Variants in VWF observed in about 807,000 individuals in gnomAD.
The protein encoded by VWF is Factor VIII related antigen.
VWF carries 176 observed loss-of-function variants against 308.6 expected under a neutral mutation model. The ratio of observed to expected loss-of-function variants is 0.57; its 90% CI spans 0.50 to 0.65. The LOEUF (loss-of-function observed/expected upper bound fraction) is 0.65. Among genes scored for constraint, VWF ranks in the 30% least tolerant of loss-of-function variants. VWF has a pLI of 0.00. For synonymous variants in VWF, 1,385 were observed against 1,443.4 expected, an observed-to-expected ratio of 0.96 and a Z score of 0.92; for missense variants, 3,146 against 3,648.2, an observed-to-expected ratio of 0.86 and a Z score of 3.55.
At chr12:6,008,594 T>C (rs772663825) in intron 34 of VWF, among the ~76,000 whole-genome samples, 1 of 152,154 alleles carries the variant, frequency 6.6e-6, no homozygotes, top group Non-Finnish European at 1.5e-5. Context: ...TAAAAGCTTT[T>C]CCTCTAATCA....
chr12:6,117,009 AC>A (rs1241936199), intron 3 of VWF, among the ~76,000 whole-genome samples: 1 of 150,400 alleles, frequency 6.6e-6, no homozygotes, highest in Non-Finnish European at 1.5e-5. Flanking sequence ...ATGCCAGCCC[AC>A]CCCCCTCTAA....
In VWF at chr12:6,025,702, C is replaced by G. The variant is rs893321599; in HGVS notation, c.3109-9G>C. On this transcript the variant is annotated splice_polypyrimidine_tract_variant and intron_variant, in intron 23 of 51. Coordinates refer to ENST00000261405, the MANE Select transcript of VWF (RefSeq NM_000552.5). The stretch of plus-strand genomic sequence containing the variant: ...GATGAGTCCAGAGGCACCTGGGAAC[C>G]AGGCAAGAGATAGGCCAGCCGTCAG... 8.7e-6 allele frequency: 12 copies of G among 1,386,930 alleles called. No homozygotes were observed. The highest frequency in any genetic ancestry group is 1.1e-5 in the Non-Finnish European group (11 of 982,426). The allele number at this position is 1,386,930 out of a possible 1,614,324, so 85.9% of individuals were successfully genotyped here.
intron 10 of VWF, among the ~76,000 whole-genome samples, chr12:6,067,433 A>G (rs1944728770): frequency 6.6e-6 from 1 of 152,206 alleles, no homozygotes; most frequent in African/African-American, 2.4e-5. Flanking sequence ...ATGTGCAAAT[A>G]TTCGAAAGGA....
chr12:5,957,481 A>C (rs1303729035), intron 47 of VWF, among the ~76,000 whole-genome samples: 1 of 152,178 alleles, frequency 6.6e-6, no homozygotes, highest in Non-Finnish European at 1.5e-5. Context: ...GCATATACTC[A>C]AGCTTCTGAA....
chr12:6,072,193 C>CTA, intron 9 of VWF, 138 bp downstream of exon 9: 1 of 736,720 alleles, frequency 1.4e-6, no homozygotes. Flanking sequence ...CTAGCCCCCA[C>CTA]CAGTAGCCTC....
intron 5 of VWF, among the ~76,000 whole-genome samples, chr12:6,105,201 A>G (rs975199605): frequency 7.2e-5 from 11 of 152,132 alleles, no homozygotes; most frequent in African/African-American, 2.4e-4. Flanking sequence ...CTGTGCATGT[A>G]ACAAAATTGC....
chr12:6,018,316 T>C, intron 28 of VWF, 49 bp downstream of exon 28: 1 of 1,578,592 alleles, frequency 6.3e-7, no homozygotes, highest in Non-Finnish European at 8.6e-7. Flanking sequence ...ACCAAGGCCA[T>C]GCCAGCCCTC....
intron 18 of VWF, among the ~76,000 whole-genome samples, chr12:6,040,634 T>G (rs942124721): frequency 5.3e-5 from 8 of 152,210 alleles, no homozygotes; most frequent in Non-Finnish European, 8.8e-5. Context: ...CCTGGAAGTG[T>G]GAGGTTCCGA....
chr12:5,990,194 C>T (rs149529111), intron 38 of VWF, among the ~76,000 whole-genome samples: 2 of 152,316 alleles, frequency 1.3e-5, no homozygotes, highest in African/African-American at 2.4e-5. Context: ...CTAATGGATA[C>T]CCATGCTCCA....
intron 38 of VWF, among the ~76,000 whole-genome samples, chr12:5,989,707 T>C (rs1209820719): frequency 6.6e-6 from 1 of 152,138 alleles, no homozygotes; most frequent in African/African-American, 2.4e-5. Flanking sequence ...AAGCAAAGGA[T>C]AGGGGTTTGG....
chr12:5,969,922 T>C (rs192542769), intron 44 of VWF, among the ~76,000 whole-genome samples: 5 of 152,060 alleles, frequency 3.3e-5, no homozygotes, highest in East Asian at 2.0e-4. Context: ...CCCAAGACCA[T>C]GGTTCAGAAA....
intron 5 of VWF, among the ~76,000 whole-genome samples, chr12:6,106,575 T>C (rs1255758704): frequency 6.6e-6 from 1 of 151,808 alleles, no homozygotes; most frequent in Non-Finnish European, 1.5e-5. Flanking sequence ...ATAAAAATGG[T>C]TAAGATAATA....
rs892950501 is a variant in VWF, at chr12:6,121,198, G to T, written c.196C>A (p.Gln66Lys). The T allele has an allele frequency of 5.6e-6, 9 of 1,614,176 alleles. No homozygotes were observed. The highest frequency in any genetic ancestry group is 7.6e-6 in the Non-Finnish European group (9 of 1,180,034). Residue 66 changes from glutamine to lysine, a missense_variant, in exon 3 of 52, where the codon CAG (glutamine) becomes AAG (lysine). By Grantham distance (53) the Gln-to-Lys change is moderately conservative. Transcript: ENST00000261405. ...YCSYLLAGGC[Q>K]KRSFSIIGDF... The stretch of plus-strand genomic sequence containing the variant: ...CCAATAATCGAGAAGGAGCGTTTCT[G>T]GCAGCCCCCTGCCAGGAGGTAACTG...
intron 6 of VWF, among the ~76,000 whole-genome samples, chr12:6,085,045 T>G (rs1220883291): frequency 6.6e-6 from 1 of 152,218 alleles, no homozygotes; most frequent in Non-Finnish European, 1.5e-5. Context: ...TGGGGTCCAG[T>G]GCTCATGAGA....
chr12:6,090,052 G>C (rs1945014095), intron 6 of VWF, among the ~76,000 whole-genome samples: 1 of 152,090 alleles, frequency 6.6e-6, no homozygotes, highest in African/African-American at 2.4e-5. Flanking sequence ...CTGCCTCCCA[G>C]GTTCATGCCA....
At chr12:6,101,695 G>C (rs868594070) in intron 5 of VWF, among the ~76,000 whole-genome samples, 10 of 152,246 alleles carry the variant, frequency 6.6e-5, no homozygotes, top group South Asian at 6.2e-4. Context: ...ACAATTGCTT[G>C]AACCCGGCAG....
In VWF at chr12:5,991,983, A is replaced by G. The variant is rs1943750562; in HGVS notation, c.6634T>C (p.Cys2212Arg). 3 of 1,614,112 alleles carry G rather than the reference A, an allele frequency of 1.9e-6. No homozygotes were observed. Among genetic ancestry groups the G allele is most frequent in the Admixed American group, 1.7e-5 (1 of 60,006 alleles). Residue 2212 changes from cysteine to arginine, a missense_variant, in exon 38 of 52, where the codon TGT (cysteine) becomes CGT (arginine). Physicochemically the swap from Cys to Arg is radical, Grantham distance 180. Coordinates refer to ENST00000261405, the MANE Select transcript of VWF (RefSeq NM_000552.5). ...SCPPSLVYNH[C>R]EHGCPRHCDG... ...CAGTGCCGGGGACAGCCATGCTCACAGTGGTTGTAGACCAGAGATGGTGGG... is the reference window on the plus strand; with the variant it reads ...CAGTGCCGGGGACAGCCATGCTCACGGTGGTTGTAGACCAGAGATGGTGGG...
At chr12:6,038,690 C>T (rs964271517) in intron 18 of VWF, among the ~76,000 whole-genome samples, 1 of 152,200 alleles carries the variant, frequency 6.6e-6, no homozygotes, top group Non-Finnish European at 1.5e-5. Context: ...TGCTCTCTGC[C>T]GACTCGTGTT....
chr12:5,974,441 T>G (rs1412454390), intron 43 of VWF, among the ~76,000 whole-genome samples: 1 of 152,132 alleles, frequency 6.6e-6, no homozygotes, highest in African/African-American at 2.4e-5. Flanking sequence ...TTTTTGAAAC[T>G]TCCCCCAGCT....
Sources: allele counts gnomAD v4.1 joint callset (sites outside exome capture counted in the v4.1 genomes callset), GRCh38; gene constraint gnomAD v4.1.1; transcripts MANE v1.5; gene names NCBI Gene and HGNC (gene_info 2026-07-23, HGNC 2026-07-21).